DPH6: variants seen among roughly 807,000 people sequenced by gnomAD.
The protein encoded by DPH6 is diphthine--ammonia ligase.
Under a neutral mutation model 38.2 loss-of-function variants are expected in DPH6, and 33 were observed. The ratio of observed to expected loss-of-function variants is 0.86; its 90% CI spans 0.65 to 1.15. DPH6 has a LOEUF of 1.15. Ranked by LOEUF, DPH6 falls within the 50% of genes most tolerant of loss-of-function variation. DPH6 has a pLI of 0.00. For synonymous variants in DPH6, 108 were observed against 103.0 expected (o/e 1.05, Z -0.30); for missense variants, 325 against 320.0 (o/e 1.02, Z -0.12).
rs920605080 is a variant in DPH6 at position 35,294,370 on chromosome 15, C to T, written n.201-73788G>A. Among the ~76,000 whole-genome samples the T allele has an allele frequency of 1.3e-4, 20 of 152,154 alleles. 1 individual carries two copies. Among genetic ancestry groups the T allele is most frequent in the South Asian group, 1.0e-3 (5 of 4,818 alleles). On this transcript the variant is annotated intron_variant and non_coding_transcript_variant, in intron 3 of 3. Coordinates refer to the DPH6 transcript ENST00000560386. ...CATATCCCTCTGGCGATTACTGTTG[C>T]TATTAATATAGTCTTTAAATAGTTC...
At chr15:35,496,565 A>ATATATATATATATATAT (rs1467883229) in intron 3 of DPH6, among the ~76,000 whole-genome samples, 133 of 20,034 alleles carry the variant, frequency 6.6e-3, no homozygotes, top group South Asian at 0.03. Flanking sequence ...CAAAAAAAAA[A>ATATATATATATATATAT]AAATATATAT....
chr15:35,334,795 T>A (rs577279074), intron 3 of DPH6, among the ~76,000 whole-genome samples: 72 of 152,330 alleles, frequency 4.7e-4, no homozygotes, highest in African/African-American at 1.7e-3. Flanking sequence ...ATTTTCTTTA[T>A]CCAGTCTTTC....
At chr15:35,499,719 C>T (rs2054601972) in intron 3 of DPH6, among the ~76,000 whole-genome samples, 1 of 152,176 alleles carries the variant, frequency 6.6e-6, no homozygotes, top group Admixed American at 6.5e-5. Flanking sequence ...GTTCCAGCAG[C>T]TAAGAGAAAT....
At chr15:35,534,927 G>A (rs2055146328) in intron 3 of DPH6, among the ~76,000 whole-genome samples, 1 of 152,130 alleles carries the variant, frequency 6.6e-6, no homozygotes, top group Non-Finnish European at 1.5e-5. Flanking sequence ...CTTATCTTCT[G>A]CCAACTACCC....
At chr15:35,229,771 CTG>C (rs2051504746) in intron 3 of DPH6, among the ~76,000 whole-genome samples, 1 of 152,206 alleles carries the variant, frequency 6.6e-6, no homozygotes, top group Admixed American at 6.5e-5. Flanking sequence ...GCTCGGTAAA[CTG>C]TGGTTCTTGC....
chr15:35,290,845 T>G (rs560578389), intron 3 of DPH6, among the ~76,000 whole-genome samples: 5 of 152,204 alleles, frequency 3.3e-5, no homozygotes, highest in African/African-American at 1.2e-4. Flanking sequence ...CCCAAGTAAC[T>G]AATTATAATA....
intron 5 of DPH6, among the ~76,000 whole-genome samples, chr15:35,426,958 C>T (rs1324535875): frequency 6.7e-6 from 1 of 149,332 alleles, no homozygotes; most frequent in African/African-American, 2.4e-5. Flanking sequence ...GACATTTTTC[C>T]CCCTGAATTA....
chr15:35,488,029 G>A (rs1181893396), intron 3 of DPH6, among the ~76,000 whole-genome samples: 6 of 152,016 alleles, frequency 3.9e-5, no homozygotes, highest in South Asian at 2.1e-4. Flanking sequence ...AAATGCTGCC[G>A]GTCTCTTTGT....
rs532740121 is a variant in DPH6, at chr15:35,513,500, C to G, written c.312+24774G>C. Among the ~76,000 whole-genome samples, 5 of 152,052 alleles carry G rather than the reference C, an allele frequency of 3.3e-5. No individual in the cohort carries two copies. In the South Asian group the frequency reaches 1.0e-3, roughly 32 times the overall value. The stretch of plus-strand genomic sequence containing the variant: ...TTAAAATAAAATAATGTAGAGAAGT[C>G]AGCTCTATTATAGTAACTAGAAAGC... On this transcript the variant is annotated intron_variant, in intron 3 of 8. Coordinates refer to ENST00000256538, the MANE Select transcript of DPH6 (RefSeq NM_080650.4).
intron 6 of DPH6, 151 bp from the exon 7 acceptor site, chr15:35,382,067 A>G: frequency 4.8e-6 from 3 of 626,058 alleles, no homozygotes; most frequent in Non-Finnish European, 8.3e-6. Context: ...TCTGCTTAAA[A>G]CCTGTTTAAA....
intron 3 of DPH6, among the ~76,000 whole-genome samples, chr15:35,357,483 T>C (rs909638972): frequency 2.0e-5 from 3 of 152,226 alleles, no homozygotes; most frequent in African/African-American, 7.2e-5. Flanking sequence ...ATAGGTTCTG[T>C]GTGATTTAGC....
chr15:35,427,437 C>T (rs1292359742), intron 5 of DPH6, among the ~76,000 whole-genome samples: 2 of 151,590 alleles, frequency 1.3e-5, no homozygotes, highest in Non-Finnish European at 2.9e-5. Flanking sequence ...CCAAATATTG[C>T]GATTTTGCTA....
intron 6 of DPH6, among the ~76,000 whole-genome samples, chr15:35,409,794 A>T (rs1295592383): frequency 6.6e-6 from 1 of 151,934 alleles, no homozygotes; most frequent in Non-Finnish European, 1.5e-5. Flanking sequence ...TGACTTAAAT[A>T]AATGACATCA....
At chr15:35,444,588 T>C (rs144275468) in intron 5 of DPH6, among the ~76,000 whole-genome samples, 62 of 152,288 alleles carry the variant, frequency 4.1e-4, no homozygotes, top group African/African-American at 1.5e-3. Flanking sequence ...CTGCTGGCAA[T>C]GAATCTTTAA....
intron 3 of DPH6, among the ~76,000 whole-genome samples, chr15:35,291,433 C>A (rs986920553): frequency 2.0e-5 from 3 of 150,980 alleles, no homozygotes; most frequent in African/African-American, 7.3e-5. Context: ...TCACATAAAC[C>A]AAAAGTGACA....
intron 2 of DPH6, 30 bp downstream of exon 2, chr15:35,542,383 G>A (rs2055265594): frequency 4.0e-6 from 6 of 1,509,038 alleles, no homozygotes; most frequent in Non-Finnish European, 5.5e-6. Flanking sequence ...CATTCATTTA[G>A]GCAACTTCCC....
At chr15:35,260,343 T>C (rs1230833264) in intron 3 of DPH6, among the ~76,000 whole-genome samples, 1 of 152,114 alleles carries the variant, frequency 6.6e-6, no homozygotes, top group Non-Finnish European at 1.5e-5. Flanking sequence ...CCTGACCTCG[T>C]GATCCACCCA....
At chr15:35,467,336 A>G (rs980958952) in intron 3 of DPH6, among the ~76,000 whole-genome samples, 23 of 152,248 alleles carry the variant, frequency 1.5e-4, no homozygotes, top group Non-Finnish European at 2.8e-4. Context: ...AGGCCAAGGC[A>G]GGCAGATCAC....
intron 6 of DPH6, among the ~76,000 whole-genome samples, chr15:35,405,497 T>C (rs1262159099): frequency 6.6e-6 from 1 of 152,132 alleles, no homozygotes; most frequent in African/African-American, 2.4e-5. Flanking sequence ...GATTTCTTTT[T>C]CAGATTGTTC....
Sources: allele counts gnomAD v4.1 joint callset (sites outside exome capture counted in the v4.1 genomes callset), GRCh38; gene constraint gnomAD v4.1.1; transcripts MANE v1.5; gene names NCBI Gene and HGNC (gene_info 2026-07-23, HGNC 2026-07-21).